B3GALT1: variants seen among roughly 807,000 people sequenced by gnomAD.
B3GALT1 encodes UDP-Gal:betaGlcNAc beta 1,3-galactosyltransferase, polypeptide 1.
In B3GALT1, 10 loss-of-function variants were observed where a neutral mutation model predicts 23.2. The observed-to-expected ratio is 0.43, with a 90% CI of 0.27 to 0.73. B3GALT1 has a LOEUF of 0.73. Among genes scored for constraint, B3GALT1 ranks in the 30% least tolerant of loss-of-function variants. The probability of loss-of-function intolerance (pLI) is 0.21; values close to 1 mark genes in which losing one functional copy is unlikely to be tolerated. For synonymous variants in B3GALT1, 156 were observed against 141.5 expected (o/e 1.10, Z -0.73); for missense variants, 299 against 405.4 (o/e 0.74, Z 2.25).
At chr2:167,430,518 G>T (rs1014172604) in intron 1 of B3GALT1, among the ~76,000 whole-genome samples, 1 of 152,168 alleles carries the variant, frequency 6.6e-6, no homozygotes, top group Non-Finnish European at 1.5e-5. Flanking sequence ...AGTAGTAATA[G>T]TAGCTTGTAT....
At chr2:167,531,475 A>G (rs1465957508) in intron 2 of B3GALT1, among the ~76,000 whole-genome samples, 1 of 152,178 alleles carries the variant, frequency 6.6e-6, no homozygotes, top group Admixed American at 6.5e-5. Context: ...TACCCTTTGG[A>G]CAGCATTATT....
At chr2:167,361,225 T>C (rs1697495040) in intron 1 of B3GALT1, among the ~76,000 whole-genome samples, 1 of 150,968 alleles carries the variant, frequency 6.6e-6, no homozygotes, top group Non-Finnish European at 1.5e-5. Context: ...TTTTTTTTTT[T>C]TTTTTTTTGC....
intron 4 of B3GALT1, among the ~76,000 whole-genome samples, chr2:167,863,338 C>T (rs1320939359): frequency 6.6e-6 from 1 of 152,122 alleles, no homozygotes; most frequent in Non-Finnish European, 1.5e-5. Flanking sequence ...GATCTAAAAC[C>T]ATAAACTGAT....
At chr2:167,702,197 A>G (rs1298411581) in intron 3 of B3GALT1, among the ~76,000 whole-genome samples, 1 of 152,200 alleles carries the variant, frequency 6.6e-6, no homozygotes, top group Non-Finnish European at 1.5e-5. Flanking sequence ...ACATGCCAAA[A>G]GCCCAAAATC....
intron 3 of B3GALT1, among the ~76,000 whole-genome samples, chr2:167,679,345 C>G (rs544041613): frequency 9.2e-5 from 14 of 152,130 alleles, no homozygotes; most frequent in Admixed American, 6.5e-4. Context: ...CCTGGAACTC[C>G]TGACCTCAGG....
At chr2:167,448,319 C>T (rs576850538) in intron 1 of B3GALT1, among the ~76,000 whole-genome samples, 2 of 152,184 alleles carry the variant, frequency 1.3e-5, no homozygotes, top group South Asian at 4.1e-4. Context: ...GTCATTCTTG[C>T]AGGAGTAAGG....
intron 1 of B3GALT1, among the ~76,000 whole-genome samples, chr2:167,331,637 C>T (rs547650165): frequency 6.6e-6 from 1 of 152,192 alleles, no homozygotes; most frequent in African/African-American, 2.4e-5. Context: ...GCTGAGTGAT[C>T]CCCAGGCTTC....
At chr2:167,622,530 G>T (rs961475491) in intron 2 of B3GALT1, among the ~76,000 whole-genome samples, 12 of 151,994 alleles carry the variant, frequency 7.9e-5, no homozygotes, top group Non-Finnish European at 5.9e-5. Context: ...GCAGCTTATT[G>T]CTTTCAGCAT....
At chr2:167,319,609 A>T (rs868795063) in intron 1 of B3GALT1, among the ~76,000 whole-genome samples, 17 of 152,214 alleles carry the variant, frequency 1.1e-4, no homozygotes, top group African/African-American at 2.2e-4. Flanking sequence ...TTAATTTTTG[A>T]CATGAAAAAC....
At chr2:167,309,426 A>G (rs933392346) in intron 1 of B3GALT1, among the ~76,000 whole-genome samples, 1 of 152,074 alleles carries the variant, frequency 6.6e-6, no homozygotes, top group Non-Finnish European at 1.5e-5. Flanking sequence ...CCTTAAAATT[A>G]CATACCTACT....
chr2:167,804,064 C>A (rs1010364420), intron 3 of B3GALT1, among the ~76,000 whole-genome samples: 1 of 152,090 alleles, frequency 6.6e-6, no homozygotes, highest in African/African-American at 2.4e-5. Context: ...GGCGTGATCT[C>A]GGCACACTGC....
At chr2:167,382,477 T>C (rs573152731) in intron 1 of B3GALT1, among the ~76,000 whole-genome samples, 1 of 152,148 alleles carries the variant, frequency 6.6e-6, no homozygotes, top group African/African-American at 2.4e-5. Flanking sequence ...CTCCCTCCCT[T>C]CCTCCTTTTC....
chr2:167,407,447 C>T (rs1012424391), intron 1 of B3GALT1, among the ~76,000 whole-genome samples: 4 of 151,804 alleles, frequency 2.6e-5, no homozygotes, highest in Non-Finnish European at 4.4e-5. Flanking sequence ...AAAGCAAGAA[C>T]AAGCCCAGCC....
At chr2:167,846,633 A>G (rs1358302988) in intron 4 of B3GALT1, among the ~76,000 whole-genome samples, 1 of 152,242 alleles carries the variant, frequency 6.6e-6, no homozygotes, top group Non-Finnish European at 1.5e-5. Context: ...TAAACACATC[A>G]AAACAGAACC....
chr2:167,668,069 C>G (rs1686239670), intron 3 of B3GALT1, among the ~76,000 whole-genome samples: 1 of 152,266 alleles, frequency 6.6e-6, no homozygotes, highest in South Asian at 2.1e-4. Context: ...TTTTCCCCAT[C>G]TTTGTGGTTT....
intron 1 of B3GALT1, among the ~76,000 whole-genome samples, chr2:167,342,485 G>T (rs1278255922): frequency 6.6e-6 from 1 of 151,876 alleles, no homozygotes; most frequent in Non-Finnish European, 1.5e-5. Flanking sequence ...AGCTACTCAG[G>T]AGGCTGAGGC....
chr2:167,837,561 C>A (rs1689509519), intron 4 of B3GALT1, among the ~76,000 whole-genome samples: 1 of 150,882 alleles, frequency 6.6e-6, no homozygotes, highest in African/African-American at 2.5e-5. Context: ...GACTTAGACT[C>A]CCACACATTA....
At chr2:167,561,132 A>G (rs1683978064) in intron 2 of B3GALT1, among the ~76,000 whole-genome samples, 1 of 152,252 alleles carries the variant, frequency 6.6e-6, no homozygotes. Context: ...ATCAAACTAG[A>G]GCTCAGGATT....
At chr2:167,620,402 G>T (rs1685235441) in intron 2 of B3GALT1, among the ~76,000 whole-genome samples, 1 of 152,094 alleles carries the variant, frequency 6.6e-6, no homozygotes, top group Admixed American at 6.6e-5. Flanking sequence ...ACAGATCTTT[G>T]TAGGCTGGCT....
Sources: gnomAD v4.1 joint callset for allele counts (sites outside exome capture counted in the v4.1 genomes callset) on GRCh38, gnomAD v4.1.1 for gene constraint, MANE v1.5 for transcripts, NCBI Gene and HGNC (gene_info 2026-07-23, HGNC 2026-07-21) for gene names.